Variants in ATM observed in about 807,000 individuals in gnomAD.
The protein encoded by ATM is ATM serine/threonine kinase.
In ATM, 308 loss-of-function variants were observed where a neutral mutation model predicts 387.0. The observed-to-expected ratio is 0.80, with a 90% confidence interval of 0.73 to 0.87. ATM has a LOEUF of 0.87. Ranked by LOEUF, ATM falls within the 40% of genes least tolerant of loss-of-function variation. ATM has a pLI of 0.00. For synonymous variants in ATM, 1,156 were observed against 1,187.3 expected (o/e 0.97, Z 0.54); for missense variants, 3,312 against 3,560.9 (o/e 0.93, Z 1.78).
At chr11:108,227,550 A>G (rs928307261) in intron 1 of ATM, 45 bp from the exon 2 acceptor site, 8 of 1,165,672 alleles carry the variant, frequency 6.9e-6, no homozygotes, top group Non-Finnish European at 1.0e-5. Context: ...CTATATATGC[A>G]TATATACATA....
intron 47 of ATM, 34 bp downstream of exon 47, chr11:108,326,259 AC>A: frequency 6.2e-7 from 1 of 1,612,128 alleles, no homozygotes; most frequent in Non-Finnish European, 8.5e-7. Context: ...TTAGTGTTTT[AC>A]TGTTATTTAA....
chr11:108,227,376 A>T (rs1339874226), intron 1 of ATM: 3 of 455,528 alleles, frequency 6.6e-6, no homozygotes. Flanking sequence ...GTGTTACAGC[A>T]TTACTTGTAT....
In ATM at chr11:108,361,156, GACAA is replaced by G. The variant is rs1483602761; in HGVS notation, c.8851-3922_8851-3919del. ...CAAGCATTCTTTTACACCAACAACA[GACAA>G]ACAGAGAGCCAAATCATGAGTGAAC... On this transcript the variant is annotated intron_variant, in intron 61 of 62. Transcript: ENST00000675843. Among the ~76,000 whole-genome samples the G allele has an allele frequency of 7.5e-3, 985 of 131,582 alleles. 7 individuals are homozygous for G. The highest frequency in any genetic ancestry group is 8.4e-3 in the Non-Finnish European group (529 of 63,040). 86.3% of individuals were successfully genotyped at this position (131,582 alleles called of 152,430 possible).
chr11:108,357,202 G>A (rs982045975), intron 61 of ATM, among the ~76,000 whole-genome samples: 14 of 152,306 alleles, frequency 9.2e-5, no homozygotes, highest in Admixed American at 8.5e-4. Flanking sequence ...CTGGAAAATC[G>A]GGTCACTCCC....
At chr11:108,361,588 A>G (rs908334255) in intron 61 of ATM, among the ~76,000 whole-genome samples, 40 of 152,102 alleles carry the variant, frequency 2.6e-4, no homozygotes, top group African/African-American at 9.2e-4. Context: ...TGGTACTGGT[A>G]CCAAAACAGA....
chr11:108,229,050 TCAGCTGA>T, intron 3 of ATM, 121 bp from the exon 4 acceptor site: 1 of 876,554 alleles, frequency 1.1e-6, no homozygotes, highest in Admixed American at 2.7e-5. Flanking sequence ...TTTGTTTTTT[TCAGCTGA>T]TGTAGTAATC....
chr11:108,299,016 C>T (rs548287435), intron 33 of ATM, among the ~76,000 whole-genome samples: 8 of 152,212 alleles, frequency 5.3e-5, no homozygotes, highest in African/African-American at 9.6e-5. Flanking sequence ...GTTTGTTAGA[C>T]GTGAGTCACT....
chr11:108,304,732 C>T lies in ATM; in HGVS notation c.5554C>T (p.Gln1852Ter), dbSNP rs754562056. The change falls in exon 37 of 63, where the codon CAA (glutamine) becomes TAA (stop). Residue 1852 changes from glutamine to a stop codon, truncating the protein, a stop_gained. Coordinates refer to ENST00000675843, the MANE Select transcript of ATM (RefSeq NM_000051.4). LOFTEE classifies it high-confidence loss of function. Reference sequence around the variant, plus strand: ...ATACTTGATTCATGATATTTTACTCCAAGATACAAATGAATCATGGAGAAA... The same window carrying T: ...ATACTTGATTCATGATATTTTACTCTAAGATACAAATGAATCATGGAGAAA... The part of the protein sequence containing the change: ...LPYLIHDILL[Q>*]DTNESWRNLL... 3.1e-6 allele frequency: 5 copies of T among 1,613,818 alleles called. No individual in the cohort carries two copies. Among genetic ancestry groups the T allele is most frequent in the Non-Finnish European group, 4.2e-6 (5 of 1,179,902 alleles).
At position 108,246,022 on chromosome 11, in the gene ATM, C is replaced by T. The variant is rs141039766; in HGVS notation, c.902-942C>T. Among the ~76,000 whole-genome samples, 822 of 152,076 alleles carry T rather than the reference C, an allele frequency of 5.4e-3. 3 individuals carry two copies. Among genetic ancestry groups the T allele is most frequent in the Non-Finnish European group, 9.0e-3 (614 of 67,972 alleles). On this transcript the variant is annotated intron_variant, in intron 7 of 62. Coordinates refer to ENST00000675843, the MANE Select transcript of ATM (RefSeq NM_000051.4). ...GTATTTTAATAGGGATGGGGTCTCACCATGTTGGCCAAGCTGGCCTTGAGC... is the reference window on the plus strand; with the variant it reads ...GTATTTTAATAGGGATGGGGTCTCATCATGTTGGCCAAGCTGGCCTTGAGC...
intron 4 of ATM, chr11:108,230,490 G>C (rs1006822520): frequency 6.6e-5 from 10 of 152,264 alleles, no homozygotes; most frequent in African/African-American, 1.9e-4. Context: ...TCCTATTTAT[G>C]TTTTTAGTGT....
At chr11:108,276,909 T>TA (rs1217017880) in intron 22 of ATM, among the ~76,000 whole-genome samples, 4 of 152,168 alleles carry the variant, frequency 2.6e-5, no homozygotes, top group Non-Finnish European at 4.4e-5. Context: ...GGAGATCCGC[T>TA]ATTCTCTTCA....
At chr11:108,228,383 A>C (rs529841755) in intron 3 of ATM, among the ~76,000 whole-genome samples, 4 of 152,358 alleles carry the variant, frequency 2.6e-5, no homozygotes, top group African/African-American at 9.6e-5. Context: ...AGTGGCAAAC[A>C]GGGTTGATGC....
At position 108,368,185 on chromosome 11, in the gene ATM, C is replaced by T. The variant is rs900515200; in HGVS notation, c.*2677C>T. Reference sequence around the variant, plus strand: ...AAGCCTAGGAGAAATAACTAATTCACAGATGACAGAATTAAGATTATAAAA... The same window carrying T: ...AAGCCTAGGAGAAATAACTAATTCATAGATGACAGAATTAAGATTATAAAA... On this transcript the variant is annotated 3_prime_UTR_variant, in exon 63 of 63. Coordinates refer to ENST00000675843, the MANE Select transcript of ATM (RefSeq NM_000051.4). 9.8e-6 allele frequency: 2 copies of T among 203,892 alleles called. No individual in the cohort carries two copies. The highest frequency in any genetic ancestry group is 2.0e-5 in the Non-Finnish European group (2 of 100,858). 12.6% of individuals were successfully genotyped at this position (203,892 alleles called of 1,614,324 possible).
chr11:108,287,503 G>T (rs4988000), intron 26 of ATM, 97 bp from the exon 27 acceptor site: 3 of 734,122 alleles, frequency 4.1e-6, no homozygotes, highest in South Asian at 1.8e-5. Flanking sequence ...TACAGTCATC[G>T]AATACTTTTG....
chr11:108,356,220 T>A (rs1327112543), intron 61 of ATM: 2 of 152,106 alleles, frequency 1.3e-5, no homozygotes, highest in African/African-American at 4.8e-5. Flanking sequence ...TCTAAAGTTA[T>A]ATTATCTTGC....
In ATM at chr11:108,247,039, T is replaced by C. The variant is rs768720856; in HGVS notation, c.977T>C (p.Ile326Thr). 2.5e-6 allele frequency: 4 copies of C among 1,613,538 alleles called. No homozygotes were observed. The highest frequency in any genetic ancestry group is 1.3e-5 in the African/African-American group (1 of 74,898). The change falls in exon 8 of 63, where the codon ATA (isoleucine) becomes ACA (threonine). Residue 326 changes from isoleucine to threonine, a missense_variant. Coordinates refer to ENST00000675843, the MANE Select transcript of ATM (RefSeq NM_000051.4). ...YDLLVNEISHIGSRGKYSSGF... is the reference protein window; with the variant it reads ...YDLLVNEISHTGSRGKYSSGF... The stretch of plus-strand genomic sequence containing the variant: ...CTGCTAGTGAATGAGATAAGTCATA[T>C]AGGAAGTAGAGGAAAGTATTCTTCA...
At chr11:108,258,663 A>G (rs1351312157) in intron 15 of ATM, among the ~76,000 whole-genome samples, 2 of 152,184 alleles carry the variant, frequency 1.3e-5, no homozygotes, top group Admixed American at 1.3e-4. Flanking sequence ...TTATCAACAT[A>G]TTTCTTGGTT....
intron 45 of ATM, among the ~76,000 whole-genome samples, chr11:108,324,687 T>G (rs987325597): frequency 7.2e-5 from 11 of 152,348 alleles, no homozygotes; most frequent in African/African-American, 2.4e-4. Context: ...TTCCTCTTTC[T>G]TATTTCTTTC....
chr11:108,310,203 T>G lies in ATM; in HGVS notation c.5806T>G (p.Leu1936Val), dbSNP rs2136013876. 6.2e-7 allele frequency: 1 copy of G among 1,613,678 alleles called. No homozygotes were observed. Among genetic ancestry groups the G allele is most frequent in the Non-Finnish European group, 8.5e-7 (1 of 1,179,758 alleles). Residue 1936 changes from leucine (L) to valine (V), a missense_variant, in exon 39 of 63, where the codon TTA becomes GTA. This residue lies in a region of ATM where 1,405 missense variants were observed against 1,604.4 expected (regional missense o/e 0.88). Coordinates refer to ENST00000675843, the MANE Select transcript of ATM (RefSeq NM_000051.4). ...TIFNDAFWLD[L>V]NYLEVAKVAQ... Reference sequence around the variant, plus strand: ...TTTTAATGATGCTTTCTGGCTGGATTTAAATTATCTAGAAGTTGCCAAGGT... The same window carrying G: ...TTTTAATGATGCTTTCTGGCTGGATGTAAATTATCTAGAAGTTGCCAAGGT...
Sources: gnomAD v4.1 joint callset for allele counts (sites outside exome capture counted in the v4.1 genomes callset) on GRCh38, gnomAD v4.1.1 for gene constraint, gnomAD v4.1.1 regional missense constraint, MANE v1.5 for transcripts, NCBI Gene and HGNC (gene_info 2026-07-23, HGNC 2026-07-21) for gene names.